ZHX2: variants seen among roughly 807,000 people sequenced by gnomAD.
ZHX2 encodes the protein zinc fingers and homeoboxes 2.
A neutral mutation model predicts 21.9 loss-of-function variants in ZHX2; 6 were observed. That is an observed-to-expected ratio of 0.27 (90% CI 0.15 to 0.54). The LOEUF (loss-of-function observed/expected upper bound fraction) is 0.54. Ranked by LOEUF, ZHX2 falls within the 20% of genes least tolerant of loss-of-function variation. ZHX2 has a pLI of 0.95. For missense variants in ZHX2, 908 were observed against 1,090.7 expected (o/e 0.83, Z 2.36); for synonymous variants, 434 against 437.1 (o/e 0.99, Z 0.09).
intron 2 of ZHX2, among the ~76,000 whole-genome samples, chr8:122,880,896 G>A (rs965045278): frequency 3.9e-5 from 6 of 151,970 alleles, no homozygotes; most frequent in Admixed American, 1.3e-4. Context: ...CTGCCCAATC[G>A]CCCGATCACT....
chr8:122,869,336 T>G (rs1199552622), intron 2 of ZHX2, among the ~76,000 whole-genome samples: 1 of 151,934 alleles, frequency 6.6e-6, no homozygotes, highest in Non-Finnish European at 1.5e-5. Context: ...TTTTTTTTTT[T>G]TGTTTTTTGA....
chr8:122,797,432 C>T (rs556616227), intron 1 of ZHX2, among the ~76,000 whole-genome samples: 2 of 152,342 alleles, frequency 1.3e-5, no homozygotes, highest in South Asian at 2.1e-4. Context: ...ACATGACCGT[C>T]GGGCCAGTAG....
chr8:122,872,126 G>A lies in ZHX2; in HGVS notation c.-220+8587G>A, dbSNP rs946857803. Among the ~76,000 whole-genome samples the A allele has an allele frequency of 4.6e-5, 7 of 152,160 alleles. No individual in the cohort carries two copies. The East Asian group carries it at 7.7e-4, about 17-fold the overall frequency. ...TGCCGCATCCTTCAGGTCTGCAGGC[G>A]AAGAAAAAAGATGCACAGACAGCTG... is the stretch of plus-strand genomic sequence containing the variant. On this transcript the variant is annotated intron_variant, in intron 2 of 3. Coordinates refer to ENST00000314393, the MANE Select transcript of ZHX2 (RefSeq NM_014943.5).
chr8:122,919,781 C>T (rs555446566), intron 2 of ZHX2, among the ~76,000 whole-genome samples: 2 of 152,274 alleles, frequency 1.3e-5, no homozygotes, highest in South Asian at 4.1e-4. Context: ...AGCTTCACTT[C>T]AAAACTGTGC....
chr8:122,788,493 G>C (rs896040715), intron 1 of ZHX2, among the ~76,000 whole-genome samples: 4 of 152,200 alleles, frequency 2.6e-5, no homozygotes, highest in Admixed American at 2.6e-4. Flanking sequence ...CTTGAGCCCG[G>C]GAGGTCAAGG....
intron 1 of ZHX2, among the ~76,000 whole-genome samples, chr8:122,796,138 T>C (rs1194929764): frequency 6.9e-6 from 1 of 145,330 alleles, no homozygotes; most frequent in African/African-American, 2.6e-5. Flanking sequence ...ACCACTGCAC[T>C]CCAGCCTGCA....
chr8:122,966,410 C>G lies in ZHX2; in HGVS notation c.*5-6832C>G, dbSNP rs547772061. Among the ~76,000 whole-genome samples, 301 of 152,240 alleles carry G rather than the reference C, an allele frequency of 2.0e-3. 1 individual carries two copies. Among genetic ancestry groups the G allele is most frequent in the Non-Finnish European group, 3.5e-3 (237 of 67,984 alleles). On this transcript the variant is annotated intron_variant, in intron 3 of 3. Transcript: ENST00000314393. ...AAGACTTTATATCTCCTTCATTTATCAAACTTAGTTTCACTGGATACAAAA... is the reference window on the plus strand; with the variant it reads ...AAGACTTTATATCTCCTTCATTTATGAAACTTAGTTTCACTGGATACAAAA...
chr8:122,950,892 G>A (rs904743462), intron 2 of ZHX2, among the ~76,000 whole-genome samples: 4 of 151,546 alleles, frequency 2.6e-5, no homozygotes, highest in Admixed American at 2.0e-4. Context: ...GTTTTCTAGC[G>A]CCTGAGTAAA....
rs12334636 is a variant in ZHX2, at chr8:122,900,450, A to G, written c.-220+36911A>G. ...CATTAATCTATTTATGAAAGATCTG[A>G]CCCCATGACCCAAACACCTCCCCCT... On this transcript the variant is annotated intron_variant, in intron 2 of 3. Coordinates refer to ENST00000314393, the MANE Select transcript of ZHX2 (RefSeq NM_014943.5). 2.6e-5 allele frequency among the ~76,000 whole-genome samples: 4 copies of G among 152,102 alleles called. No homozygotes were observed. The East Asian group carries it at 7.7e-4, about 29-fold the overall frequency.
chr8:122,951,459 G>A lies in ZHX2; in HGVS notation c.-52G>A, dbSNP rs945745935. The stretch of plus-strand genomic sequence containing the variant: ...CCTTATTCGTTCCAAGAATCTCACC[G>A]CCCCCTCCTTATCCCCCTCCAAAAA... On this transcript the variant is annotated 5_prime_UTR_variant, in exon 3 of 4. Transcript: ENST00000314393. 5.9e-5 allele frequency: 88 copies of A among 1,491,934 alleles called. No homozygotes were observed. Among genetic ancestry groups the A allele is most frequent in the African/African-American group, 8.4e-5 (6 of 71,608 alleles). 92.4% of individuals were successfully genotyped at this position (1,491,934 alleles called of 1,614,324 possible). A position where few individuals can be genotyped will look rare whatever the true frequency, so the allele number is the denominator to read the frequency against.
chr8:122,831,495 A>G (rs1818374104), intron 1 of ZHX2, among the ~76,000 whole-genome samples: 1 of 152,166 alleles, frequency 6.6e-6, no homozygotes, highest in Non-Finnish European at 1.5e-5. Flanking sequence ...TCTTTGACAT[A>G]CCATGGTCCT....
intron 1 of ZHX2, among the ~76,000 whole-genome samples, chr8:122,783,720 T>C (rs1384455114): frequency 6.6e-6 from 1 of 152,176 alleles, no homozygotes. Context: ...TGTTTAATAG[T>C]AAAAATAGAT....
intron 2 of ZHX2, among the ~76,000 whole-genome samples, chr8:122,925,967 T>C (rs16897704): frequency 0.022 from 3,389 of 152,234 alleles, 115 homozygotes; most frequent in African/African-American, 0.077. Flanking sequence ...GACTTTCTGG[T>C]GACGGCTTAA....
intron 3 of ZHX2, among the ~76,000 whole-genome samples, chr8:122,972,250 T>C (rs544423862): frequency 6.6e-6 from 1 of 152,356 alleles, no homozygotes; most frequent in Non-Finnish European, 1.5e-5. Flanking sequence ...AAGGCATTTC[T>C]AATAGGGTAA....
At chr8:122,850,709 C>T (rs1818872263) in intron 1 of ZHX2, among the ~76,000 whole-genome samples, 1 of 151,792 alleles carries the variant, frequency 6.6e-6, no homozygotes, top group African/African-American at 2.4e-5. Flanking sequence ...TGGCTGTCCT[C>T]TCACCTTCAT....
At chr8:122,789,312 G>A (rs925630703) in intron 1 of ZHX2, among the ~76,000 whole-genome samples, 26 of 152,300 alleles carry the variant, frequency 1.7e-4, no homozygotes, top group East Asian at 7.7e-4. Flanking sequence ...CTGATATTAC[G>A]TTCCCGCTGT....
chr8:122,812,182 C>T (rs1262926985), intron 1 of ZHX2, among the ~76,000 whole-genome samples: 4 of 152,090 alleles, frequency 2.6e-5, no homozygotes, highest in Admixed American at 6.5e-5. Flanking sequence ...AAGGCAGGAG[C>T]GTGCCTGAGG....
chr8:122,910,724 C>T lies in ZHX2; in HGVS notation c.-219-40568C>T, dbSNP rs560856586. ...TCGAGACCCTTCCCCAGCCAGTGTGCAGGCCCCTGCTGGGGGGTGGGGGGT... is the reference window on the plus strand; with the variant it reads ...TCGAGACCCTTCCCCAGCCAGTGTGTAGGCCCCTGCTGGGGGGTGGGGGGT... On this transcript the variant is annotated intron_variant, in intron 2 of 3. Coordinates refer to ENST00000314393, the MANE Select transcript of ZHX2 (RefSeq NM_014943.5). 3.1e-3 allele frequency among the ~76,000 whole-genome samples: 474 copies of T among 151,944 alleles called. 7 individuals are homozygous for T. Among genetic ancestry groups the T allele is most frequent in the African/African-American group, 0.011 (458 of 41,390 alleles).
At chr8:122,911,902 G>A (rs1392437691) in intron 2 of ZHX2, among the ~76,000 whole-genome samples, 1 of 152,124 alleles carries the variant, frequency 6.6e-6, no homozygotes, top group African/African-American at 2.4e-5. Flanking sequence ...GGGTGGGAGT[G>A]AGCCACCTTT....
Sources: gnomAD v4.1 joint callset for allele counts (sites outside exome capture counted in the v4.1 genomes callset) on GRCh38, gnomAD v4.1.1 for gene constraint, MANE v1.5 for transcripts, NCBI Gene and HGNC (gene_info 2026-07-23, HGNC 2026-07-21) for gene names.